AVL9: variants seen among roughly 807,000 people sequenced by gnomAD.
AVL9 encodes AVL9 cell migration associated, also known as late secretory pathway protein AVL9 homolog.
AVL9 carries 49 observed loss-of-function variants against 79.2 expected under a neutral mutation model. That is an observed-to-expected ratio of 0.62 (90% CI 0.49 to 0.79). AVL9 has a LOEUF of 0.79. Among genes scored for constraint, AVL9 ranks in the 30% least tolerant of loss-of-function variants. AVL9 has a pLI of 0.00. For synonymous variants in AVL9, 299 were observed against 280.6 expected, an observed-to-expected ratio of 1.07 and a Z score of -0.65; for missense variants, 682 against 776.8, an observed-to-expected ratio of 0.88 and a Z score of 1.45.
intron 10 of AVL9, among the ~76,000 whole-genome samples, chr7:32,564,803 G>C (rs756387915): frequency 6.6e-6 from 1 of 152,092 alleles, no homozygotes; most frequent in South Asian, 2.1e-4. Flanking sequence ...AGGCAGCTGT[G>C]GGGTAGGCTG....
At chr7:32,581,178 A>G (rs1393395320) in intron 15 of AVL9, 1 of 338,910 alleles carries the variant, frequency 3.0e-6, no homozygotes, top group Non-Finnish European at 5.4e-6. Context: ...TGTGCTGTCC[A>G]CAGTTCTTTA....
chr7:32,583,720 T>C (rs1791628962), intron 15 of AVL9, 72 bp from the exon 16 acceptor site: 1 of 890,500 alleles, frequency 1.1e-6, no homozygotes. Context: ...ATGTATTAAT[T>C]ATGTTGGTCT....
At chr7:32,552,798 A>G (rs903700986) in intron 6 of AVL9, among the ~76,000 whole-genome samples, 3 of 151,960 alleles carry the variant, frequency 2.0e-5, no homozygotes, top group Admixed American at 2.0e-4. Context: ...ACCTTCTAGG[A>G]TAGTAATGGA....
intron 1 of AVL9, among the ~76,000 whole-genome samples, chr7:32,502,392 C>CAAAAAAAAAAAAAAAA (rs70992721): frequency 4.4e-5 from 5 of 114,394 alleles, no homozygotes; most frequent in African/African-American, 1.3e-4. Flanking sequence ...AACCCTTTCT[C>CAAAAAAAAAAAAAAAA]AAAAAAAAAA....
At chr7:32,579,028 G>A (rs556017855) in intron 13 of AVL9, among the ~76,000 whole-genome samples, 1 of 151,766 alleles carries the variant, frequency 6.6e-6, no homozygotes, top group Admixed American at 6.6e-5. Context: ...TTTCAATCCT[G>A]TGATTCAGGA....
rs1165834992 is a variant in AVL9 at position 32,495,798 on chromosome 7, G to T, written c.89G>T (p.Cys30Phe). ...VVVGFHHKKGCQVEFSYPPLI... is the reference protein window; with the variant it reads ...VVVGFHHKKGFQVEFSYPPLI... ...GTCGGATTTCACCACAAGAAGGGCT[G>T]CCAGGTGAGGAAAGGGCCCGCCCCC... The change falls in exon 1 of 16, where the codon TGC becomes TTC. Residue 30 changes from cysteine to phenylalanine, a missense_variant. By Grantham distance (205) the Cys-to-Phe change is radical. Transcript: ENST00000318709. 1.6e-6 allele frequency: 2 copies of T among 1,257,984 alleles called. No homozygotes were observed. The highest frequency in any genetic ancestry group is 2.0e-6 in the Non-Finnish European group (2 of 991,796). 77.9% of individuals were successfully genotyped at this position (1,257,984 alleles called of 1,614,324 possible).
intron 1 of AVL9, among the ~76,000 whole-genome samples, chr7:32,541,170 G>C (rs962860114): frequency 6.6e-5 from 10 of 151,842 alleles, no homozygotes; most frequent in African/African-American, 2.4e-4. Flanking sequence ...CAAAGTGCTG[G>C]GATTACAGGC....
At chr7:32,540,186 C>T (rs1204467876) in intron 1 of AVL9, among the ~76,000 whole-genome samples, 4 of 152,216 alleles carry the variant, frequency 2.6e-5, no homozygotes, top group Admixed American at 1.3e-4. Context: ...TGTAACCACT[C>T]ATGATGAATA....
At chr7:32,509,477 T>G (rs1787559691) in intron 1 of AVL9, among the ~76,000 whole-genome samples, 1 of 152,124 alleles carries the variant, frequency 6.6e-6, no homozygotes. Context: ...TACTCCTCAC[T>G]CTCCTCTTTC....
intron 1 of AVL9, among the ~76,000 whole-genome samples, chr7:32,515,719 G>C (rs903491861): frequency 2.0e-5 from 3 of 152,114 alleles, no homozygotes; most frequent in Non-Finnish European, 4.4e-5. Context: ...TCTCCTTACT[G>C]TTATAGCGCT....
chr7:32,557,948 C>T (rs1055122685), intron 8 of AVL9, among the ~76,000 whole-genome samples: 6 of 151,404 alleles, frequency 4.0e-5, no homozygotes, highest in African/African-American at 1.5e-4. Flanking sequence ...CTCCACCTCC[C>T]GGGTTCAAGC....
rs747933513 is a variant in AVL9 at position 32,570,163 on chromosome 7, A to C, written c.1350+9A>C. On this transcript the variant is annotated intron_variant, in intron 11 of 15. Coordinates refer to ENST00000318709, the MANE Select transcript of AVL9 (RefSeq NM_015060.3). ...GTGATGCCATTGTGGAAGTACGTTTATGTGTGAGTGTGTGTATTTGGCCCT... is the reference window on the plus strand; with the variant it reads ...GTGATGCCATTGTGGAAGTACGTTTCTGTGTGAGTGTGTGTATTTGGCCCT... The C allele has an allele frequency of 2.5e-6, 4 of 1,614,114 alleles. No homozygotes were observed. Among genetic ancestry groups the C allele is most frequent in the Non-Finnish European group, 1.7e-6 (2 of 1,179,966 alleles).
intron 1 of AVL9, 78 bp downstream of exon 1, chr7:32,495,880 T>C: frequency 1.0e-6 from 1 of 969,364 alleles, no homozygotes; most frequent in Non-Finnish European, 1.4e-6. Context: ...TGCTTCTGTG[T>C]GCTCAGCTCG....
intron 4 of AVL9, 53 bp downstream of exon 4, chr7:32,548,971 CT>C: frequency 8.2e-7 from 1 of 1,225,214 alleles, no homozygotes; most frequent in South Asian, 1.7e-5. Context: ...GCAGATCTTT[CT>C]TTAAGGATAA....
rs946722355 is a variant in AVL9, at chr7:32,552,008, T to C, written c.463-221T>C. On this transcript the variant is annotated intron_variant, in intron 5 of 15. Coordinates refer to ENST00000318709, the MANE Select transcript of AVL9 (RefSeq NM_015060.3). ...GGGAGAAAGGAATACCCTGAGTAGC[T>C]TTTCATACTCAACTGCCCACGTCTC... is the stretch of plus-strand genomic sequence containing the variant. Among the ~76,000 whole-genome samples the C allele has an allele frequency of 2.6e-4, 24 of 91,012 alleles. 1 individual carries two copies. The highest frequency in any genetic ancestry group is 9.2e-4 in the African/African-American group (24 of 26,048). The allele number at this position is 91,012 out of a possible 152,430, so 59.7% of individuals were successfully genotyped here. A position where few individuals can be genotyped will look rare whatever the true frequency, so the allele number is the denominator to read the frequency against.
chr7:32,513,296 A>C (rs1787760907), intron 1 of AVL9, among the ~76,000 whole-genome samples: 1 of 152,228 alleles, frequency 6.6e-6, no homozygotes, highest in South Asian at 2.1e-4. Context: ...AGACTGGTTT[A>C]GGCCTTGAAG....
chr7:32,557,311 C>G (rs1407412825), intron 8 of AVL9, among the ~76,000 whole-genome samples: 1 of 152,040 alleles, frequency 6.6e-6, no homozygotes, highest in African/African-American at 2.4e-5. Flanking sequence ...CCTCAATCTC[C>G]CAAAATGCTG....
At chr7:32,503,407 A>ACACAC (rs1477431265) in intron 1 of AVL9, among the ~76,000 whole-genome samples, 89 of 60,284 alleles carry the variant, frequency 1.5e-3, no homozygotes, top group Non-Finnish European at 3.4e-3. Flanking sequence ...CACACACACA[A>ACACAC]ATTAGCCGGG....
chr7:32,538,670 A>G (rs1789030166), intron 1 of AVL9: 1 of 152,158 alleles, frequency 6.6e-6, no homozygotes, highest in East Asian at 1.9e-4. Flanking sequence ...TAGATTTTCA[A>G]GTGTCTTTTC....
Sources: gnomAD v4.1 joint callset for allele counts (sites outside exome capture counted in the v4.1 genomes callset) on GRCh38, gnomAD v4.1.1 for gene constraint, MANE v1.5 for transcripts, NCBI Gene and HGNC (gene_info 2026-07-23, HGNC 2026-07-21) for gene names.